ERBB4: variants seen among roughly 807,000 people sequenced by gnomAD.
ERBB4 encodes the protein erb-b2 receptor tyrosine kinase 4, also known as receptor tyrosine-protein kinase erbB-4.
A neutral mutation model predicts 158.0 loss-of-function variants in ERBB4; 42 were observed. The observed-to-expected ratio is 0.27, with a 90% CI of 0.21 to 0.34. The LOEUF is 0.34. Among genes scored for constraint, ERBB4 ranks in the 10% least tolerant of loss-of-function variants. The probability of loss-of-function intolerance (pLI) is 1.00; values close to 1 mark genes in which losing one functional copy is unlikely to be tolerated. For missense variants in ERBB4, 1,333 were observed against 1,624.1 expected, an observed-to-expected ratio of 0.82 and a Z score of 3.08; for synonymous variants, 583 against 558.7, an observed-to-expected ratio of 1.04 and a Z score of -0.61.
chr2:211,957,332 A>G (rs1305489514), intron 2 of ERBB4, among the ~76,000 whole-genome samples: 1 of 152,106 alleles, frequency 6.6e-6, no homozygotes, highest in South Asian at 2.1e-4. Flanking sequence ...GAAAACACAG[A>G]GAGAAGTTGG....
chr2:211,981,903 G>A (rs2081809321), intron 2 of ERBB4, among the ~76,000 whole-genome samples: 1 of 152,080 alleles, frequency 6.6e-6, no homozygotes, highest in African/African-American at 2.4e-5. Flanking sequence ...GATAAAAATA[G>A]CTCTTTTATC....
Position 212,319,787 on chromosome 2 carries a change from C to G in ERBB4, c.83-194884G>C, listed in dbSNP as rs867929677. Among the ~76,000 whole-genome samples the G allele has an allele frequency of 1.3e-5, 2 of 150,302 alleles. 1 individual carries two copies. The highest frequency in any genetic ancestry group is 3.0e-5 in the Non-Finnish European group (2 of 67,018). ...AAGTTAGTAAGCAATTAGAATGTAT[C>G]TCTTTATGTAAACAATGCCAGCCCC... is the stretch of plus-strand genomic sequence containing the variant. On this transcript the variant is annotated intron_variant, in intron 1 of 27. Transcript: ENST00000342788.
chr2:211,431,013 T>C lies in ERBB4; in HGVS notation c.2575A>G (p.Ile859Val), dbSNP rs1279305501. 1 of 1,613,806 alleles carries C rather than the reference T, an allele frequency of 6.2e-7. No homozygotes were observed. The highest frequency in any genetic ancestry group is 8.5e-7 in the Non-Finnish European group (1 of 1,179,798). Residue 859 changes from isoleucine to valine, a missense_variant, in exon 21 of 28, where the codon ATC becomes GTC. Ile to Val is a conservative substitution (Grantham distance 29). This residue lies in a region of ERBB4 where 314 missense variants were observed against 437.6 expected (regional missense o/e 0.72). Transcript: ENST00000342788. ...AGTCTGGCTAGCCCAAAATCTGTGA[T>C]TTTCACATGGTTTGGAGATTTCACT... The part of the protein sequence containing the change: ...VLVKSPNHVK[I>V]TDFGLARLLE...
At chr2:211,615,875 G>A (rs987177048) in intron 19 of ERBB4, among the ~76,000 whole-genome samples, 1 of 152,024 alleles carries the variant, frequency 6.6e-6, no homozygotes, top group Admixed American at 6.6e-5. Context: ...AGTTAGAGTG[G>A]AGAAAAGGGA....
chr2:212,315,121 G>C (rs1335893114), intron 1 of ERBB4, among the ~76,000 whole-genome samples: 1 of 151,274 alleles, frequency 6.6e-6, no homozygotes, highest in Non-Finnish European at 1.5e-5. Flanking sequence ...ATGGGTATCA[G>C]CTACAAGCCT....
intron 1 of ERBB4, among the ~76,000 whole-genome samples, chr2:212,485,167 C>T (rs1689905857): frequency 6.6e-6 from 1 of 152,170 alleles, no homozygotes; most frequent in East Asian, 1.9e-4. Flanking sequence ...ACTCTGATTC[C>T]AGTCACCGGA....
At chr2:211,477,222 A>G (rs1349522913) in intron 20 of ERBB4, among the ~76,000 whole-genome samples, 5 of 151,736 alleles carry the variant, frequency 3.3e-5, no homozygotes, top group African/African-American at 9.7e-5. Flanking sequence ...CTTCCCTTGG[A>G]CTCCAGCCTG....
chr2:211,947,758 A>C, intron 2 of ERBB4, 142 bp from the exon 3 acceptor site: 1 of 697,206 alleles, frequency 1.4e-6, no homozygotes, highest in Non-Finnish European at 2.5e-6. Context: ...TATTCTAAAG[A>C]ATTGGCTTCA....
intron 1 of ERBB4, among the ~76,000 whole-genome samples, chr2:212,202,566 C>A (rs1350533510): frequency 7.9e-5 from 12 of 151,988 alleles, no homozygotes; most frequent in Admixed American, 7.9e-4. Flanking sequence ...GTCTTGAATC[C>A]CTAGGTTCAA....
chr2:212,082,664 T>G (rs2078482176), intron 2 of ERBB4, among the ~76,000 whole-genome samples: 1 of 152,048 alleles, frequency 6.6e-6, no homozygotes, highest in Non-Finnish European at 1.5e-5. Flanking sequence ...GAAAAATATT[T>G]TTGACAGAGA....
At chr2:212,108,785 T>G (rs2079310208) in intron 2 of ERBB4, among the ~76,000 whole-genome samples, 1 of 147,328 alleles carries the variant, frequency 6.8e-6, no homozygotes, top group Non-Finnish European at 1.5e-5. Flanking sequence ...TAGCGTCACA[T>G]TTTAAGAAGA....
At chr2:212,213,764 T>C (rs1001414173) in intron 1 of ERBB4, among the ~76,000 whole-genome samples, 1 of 151,854 alleles carries the variant, frequency 6.6e-6, no homozygotes, top group Non-Finnish European at 1.5e-5. Flanking sequence ...TTGCCTGATA[T>C]AGTAACTCCA....
chr2:211,883,556 T>C (rs1027956042), intron 3 of ERBB4, among the ~76,000 whole-genome samples: 13 of 152,110 alleles, frequency 8.5e-5, no homozygotes, highest in Admixed American at 7.9e-4. Flanking sequence ...GGCGTGAAGA[T>C]TGCTTGAGGT....
rs545541655 is a variant in ERBB4 at position 211,650,335 on chromosome 2, T to C, written c.1946+7419A>G. The stretch of plus-strand genomic sequence containing the variant: ...TATGGGCTATAAAACAAATTTAAGA[T>C]CTATGAAATATAATTCCAACCCTTT... On this transcript the variant is annotated intron_variant, in intron 16 of 27. Transcript: ENST00000342788. Among the ~76,000 whole-genome samples, 196 of 152,210 alleles carry C rather than the reference T, an allele frequency of 1.3e-3. 1 individual carries two copies. The highest frequency in any genetic ancestry group is 0.01 in the Middle Eastern group (3 of 294).
At chr2:212,179,627 A>G (rs914580698) in intron 1 of ERBB4, among the ~76,000 whole-genome samples, 5 of 151,528 alleles carry the variant, frequency 3.3e-5, no homozygotes, top group African/African-American at 1.2e-4. Flanking sequence ...CTTCCTCAAA[A>G]GTGAATGATG....
chr2:212,369,448 TA>T (rs2090009517), intron 1 of ERBB4, among the ~76,000 whole-genome samples: 1 of 152,144 alleles, frequency 6.6e-6, no homozygotes, highest in Admixed American at 6.6e-5. Context: ...AAAAGATGTT[TA>T]AATATATAAG....
At chr2:211,806,911 A>C (rs956821861) in intron 3 of ERBB4, among the ~76,000 whole-genome samples, 3 of 152,176 alleles carry the variant, frequency 2.0e-5, no homozygotes, top group Non-Finnish European at 4.4e-5. Context: ...AGTATCTTTT[A>C]ACAATATCTT....
chr2:211,967,557 C>T (rs1202458572), intron 2 of ERBB4, among the ~76,000 whole-genome samples: 1 of 151,912 alleles, frequency 6.6e-6, no homozygotes, highest in African/African-American at 2.4e-5. Flanking sequence ...GAAATGGCCC[C>T]AAGAATGATG....
intron 1 of ERBB4, among the ~76,000 whole-genome samples, chr2:212,214,587 CA>C (rs1272991572): frequency 2.0e-5 from 3 of 151,772 alleles, no homozygotes; most frequent in Non-Finnish European, 4.4e-5. Context: ...TACCATCACA[CA>C]CCTGGTAAAA....
Sources: gnomAD v4.1 joint callset for allele counts (sites outside exome capture counted in the v4.1 genomes callset) on GRCh38, gnomAD v4.1.1 for gene constraint, gnomAD v4.1.1 regional missense constraint, MANE v1.5 for transcripts, NCBI Gene and HGNC (gene_info 2026-07-23, HGNC 2026-07-21) for gene names.